The following TECR variants were observed in gnomAD, a reference collection of about 807,000 sequenced individuals.
TECR encodes the protein trans-2,3-enoyl-CoA reductase, also known as very-long-chain enoyl-CoA reductase.
Under a neutral mutation model 50.6 loss-of-function variants are expected in TECR, and 19 were observed. The observed-to-expected ratio is 0.38, with a 90% CI of 0.26 to 0.55. TECR has a LOEUF of 0.55. TECR is among the 20% of genes least tolerant of loss of function. The pLI, the probability that TECR is intolerant of heterozygous loss-of-function variation, is 0.79. For missense variants in TECR, 313 were observed against 408.3 expected (o/e 0.77, Z 2.01); for synonymous variants, 168 against 163.5 (o/e 1.03, Z -0.21).
In TECR at chr19:14,565,209, G is replaced by A. The variant is rs767362333; in HGVS notation, c.672G>A (p.Lys224=). The change falls in exon 11 of 13, where the codon AAG becomes AAA. Residue 224 remains lysine (K), a synonymous_variant. Transcript: ENST00000215567. ...TTCTGTCCTGCCTGCCAGGGTCCAA[G>A]ACGCGGAAGATCCCATACCCCACCA... The part of the protein sequence containing the change: ...ALRDLRPAGS[K]TRKIPYPTKN... 1 of 1,614,066 alleles carries A rather than the reference G, an allele frequency of 6.2e-7. No individual in the cohort carries two copies. The highest frequency in any genetic ancestry group is 1.7e-5 in the Admixed American group (1 of 60,034).
At chr19:14,553,279 T>C (rs918853503) in intron 1 of TECR, among the ~76,000 whole-genome samples, 1 of 152,130 alleles carries the variant, frequency 6.6e-6, no homozygotes, top group South Asian at 2.1e-4. Context: ...TGGCCTCGGA[T>C]CCGAGAGCCC....
intron 1 of TECR, among the ~76,000 whole-genome samples, chr19:14,548,725 G>A (rs1357498525): frequency 6.6e-6 from 1 of 152,054 alleles, no homozygotes; most frequent in African/African-American, 2.4e-5. Flanking sequence ...TTACAGGCAC[G>A]CATCACCACG....
rs2037567641 is a variant in TECR, at chr19:14,547,029, G to A, written c.16-15496G>A. On this transcript the variant is annotated intron_variant, in intron 1 of 12. Transcript: ENST00000215567. ...AATTTCAATTTGATCAACATGATAGGGTAATCAGTGCTAACCTTCAGTCAT... is the reference window on the plus strand; with the variant it reads ...AATTTCAATTTGATCAACATGATAGAGTAATCAGTGCTAACCTTCAGTCAT... Among the ~76,000 whole-genome samples the A allele has an allele frequency of 2.6e-5, 4 of 152,232 alleles. No individual in the cohort carries two copies. The South Asian group carries it at 8.3e-4, about 32-fold the overall frequency.
In TECR at chr19:14,557,959, G is replaced by A. The variant is rs1396651983; in HGVS notation, c.16-4566G>A. On this transcript the variant is annotated intron_variant, in intron 1 of 12. Transcript: ENST00000215567. ...TTTAGTAGAGATGGGGTTTCACCGTGTTAGCCAGGATGGTCTCGATCTCCT... is the reference window on the plus strand; with the variant it reads ...TTTAGTAGAGATGGGGTTTCACCGTATTAGCCAGGATGGTCTCGATCTCCT... Among the ~76,000 whole-genome samples, 5 of 150,422 alleles carry A rather than the reference G, an allele frequency of 3.3e-5. 1 individual carries two copies. In the South Asian group the frequency reaches 1.0e-3, roughly 32 times the overall value.
At chr19:14,539,140 ATTTTTTTTTTT>A (rs57801378) in intron 1 of TECR, among the ~76,000 whole-genome samples, 30 of 92,546 alleles carry the variant, frequency 3.2e-4, no homozygotes, top group Admixed American at 1.0e-3. Flanking sequence ...CGCCCGGCTA[ATTTTTTTTTTT>A]TTTTTTTTTT....
At chr19:14,551,108 G>A (rs111397296) in intron 1 of TECR, among the ~76,000 whole-genome samples, 1,560 of 151,080 alleles carry the variant, frequency 0.01, 35 homozygotes, top group African/African-American at 0.035. Context: ...GTCTTGCTTT[G>A]TCACCCAGGC....
chr19:14,544,300 T>C (rs1327343054), intron 1 of TECR, among the ~76,000 whole-genome samples: 1 of 152,114 alleles, frequency 6.6e-6, no homozygotes, highest in Non-Finnish European at 1.5e-5. Flanking sequence ...TGTAAGCCCC[T>C]GGCTCTCCCC....
intron 1 of TECR, among the ~76,000 whole-genome samples, chr19:14,540,400 T>C (rs2073056586): frequency 6.6e-6 from 1 of 150,710 alleles, no homozygotes; most frequent in African/African-American, 2.4e-5. Context: ...TATTAAAAAA[T>C]GTGTGTTTTT....
At chr19:14,544,690 G>A (rs7248009) in intron 1 of TECR, among the ~76,000 whole-genome samples, 84,989 of 149,084 alleles carry the variant, frequency 0.57, 24,948 homozygotes, top group South Asian at 0.68. Flanking sequence ...CTGGAGTGCA[G>A]TGGCACGATC....
chr19:14,551,275 A>G (rs1411068175), intron 1 of TECR, among the ~76,000 whole-genome samples: 4 of 151,346 alleles, frequency 2.6e-5, no homozygotes. Context: ...GGGTTTCATC[A>G]TGTTGGCCAG....
Position 14,534,423 on chromosome 19 carries a change from C to CTTTTTTTTTTTTTTTTTTTT in TECR, c.15+4723_15+4742dup, listed in dbSNP as rs756051119. Reference sequence around the variant, plus strand: ...ACAGGAGTGAGCCACCATGCCTGGCCTTTTTTTTTTTTTTTTTTTTTTTTT... The same window carrying CTTTTTTTTTTTTTTTTTTTT: ...ACAGGAGTGAGCCACCATGCCTGGCCTTTTTTTTTTTTTTTTTTTTTTTTTTTTTTTTTTTTTTTTTTTTT... On this transcript the variant is annotated intron_variant, in intron 1 of 12. Coordinates refer to ENST00000215567, the MANE Select transcript of TECR (RefSeq NM_138501.6). 3.8e-5 allele frequency among the ~76,000 whole-genome samples: 2 copies of CTTTTTTTTTTTTTTTTTTTT among 52,452 alleles called. 1 individual carries two copies. Among genetic ancestry groups the CTTTTTTTTTTTTTTTTTTTT allele is most frequent in the African/African-American group, 1.9e-4 (2 of 10,684 alleles). The allele number at this position is 52,452 out of a possible 152,430, so 34.4% of individuals were successfully genotyped here.
At chr19:14,552,523 TTTTTC>T (rs553112575) in intron 1 of TECR, among the ~76,000 whole-genome samples, 72 of 151,356 alleles carry the variant, frequency 4.8e-4, no homozygotes, top group Admixed American at 1.3e-3. Flanking sequence ...CATCACAGTC[TTTTTC>T]TTTTCTTTTC....
At chr19:14,556,362 G>A (rs965187489) in intron 1 of TECR, among the ~76,000 whole-genome samples, 2 of 151,620 alleles carry the variant, frequency 1.3e-5, no homozygotes, top group African/African-American at 4.8e-5. Flanking sequence ...GCAGTGAGCC[G>A]AGATCGCGCC....
intron 1 of TECR, among the ~76,000 whole-genome samples, chr19:14,559,968 C>T (rs772396830): frequency 2.1e-4 from 21 of 98,840 alleles, no homozygotes; most frequent in Non-Finnish European, 3.3e-4. Flanking sequence ...CCCAGGTGGC[C>T]CTAGCCTTGG....
intron 7 of TECR, 32 bp downstream of exon 7, chr19:14,564,319 C>G (rs532980760): frequency 6.5e-7 from 1 of 1,549,998 alleles, no homozygotes; most frequent in South Asian, 1.1e-5. Context: ...ACCCCTAAGC[C>G]CCGCCTTTCT....
intron 1 of TECR, among the ~76,000 whole-genome samples, chr19:14,538,535 TC>T (rs1447952201): frequency 6.2e-4 from 57 of 92,024 alleles, no homozygotes; most frequent in African/African-American, 2.6e-3. Flanking sequence ...CTCTTTTTTT[TC>T]TTTTTTTTTT....
chr19:14,562,128 G>T, intron 1 of TECR: 1 of 541,950 alleles, frequency 1.8e-6, no homozygotes, highest in Non-Finnish European at 3.3e-6. Context: ...GAAGGTCTGT[G>T]GCATGGCTCC....
At chr19:14,560,144 G>A (rs1490942455) in intron 1 of TECR, among the ~76,000 whole-genome samples, 1 of 152,164 alleles carries the variant, frequency 6.6e-6, no homozygotes, top group Non-Finnish European at 1.5e-5. Context: ...GCAGCCCGGC[G>A]TCCTCTCCCA....
At chr19:14,535,779 GGA>G (rs2072878589) in intron 1 of TECR, among the ~76,000 whole-genome samples, 1 of 114,364 alleles carries the variant, frequency 8.7e-6, no homozygotes, top group Non-Finnish European at 2.0e-5. Context: ...AAAAAAAAAG[GGA>G]AAGTGGTGAG....
Sources: allele counts gnomAD v4.1 joint callset (sites outside exome capture counted in the v4.1 genomes callset), GRCh38; gene constraint gnomAD v4.1.1; transcripts MANE v1.5; gene names NCBI Gene and HGNC (gene_info 2026-07-23, HGNC 2026-07-21).